The following OPCML variants were observed in gnomAD, a reference collection of about 807,000 sequenced individuals.
OPCML encodes opioid binding protein/cell adhesion molecule like.
OPCML carries 13 observed loss-of-function variants against 37.8 expected under a neutral mutation model. The observed-to-expected ratio is 0.34, with a 90% CI of 0.22 to 0.55. The LOEUF (loss-of-function observed/expected upper bound fraction) is 0.55. OPCML is among the 20% of genes least tolerant of loss of function. OPCML has a pLI of 0.91. For missense variants in OPCML, 341 were observed against 435.6 expected, an observed-to-expected ratio of 0.78 and a Z score of 1.93; for synonymous variants, 176 against 168.8, an observed-to-expected ratio of 1.04 and a Z score of -0.33.
chr11:132,571,552 A>G (rs1330904384), intron 3 of OPCML, among the ~76,000 whole-genome samples: 2 of 152,066 alleles, frequency 1.3e-5, no homozygotes, highest in African/African-American at 4.8e-5. Flanking sequence ...AGCTTATTTT[A>G]CTTAGCATAA....
chr11:133,184,507 T>C (rs1236636392), intron 1 of OPCML, among the ~76,000 whole-genome samples: 1 of 152,154 alleles, frequency 6.6e-6, no homozygotes, highest in Non-Finnish European at 1.5e-5. Context: ...AAAATCCTGC[T>C]GGCTTGAGGA....
At chr11:133,479,785 AC>A (rs1462998335) in intron 1 of OPCML, among the ~76,000 whole-genome samples, 1 of 151,930 alleles carries the variant, frequency 6.6e-6, no homozygotes, top group Non-Finnish European at 1.5e-5. Flanking sequence ...AACAAATGAC[AC>A]CCATGGCTTA....
At chr11:133,034,335 G>T (rs2136930733) in intron 1 of OPCML, among the ~76,000 whole-genome samples, 1 of 152,056 alleles carries the variant, frequency 6.6e-6, no homozygotes, top group East Asian at 1.9e-4. Flanking sequence ...GTGTGTGTGT[G>T]TGTGTGACAG....
At chr11:132,864,906 A>G (rs1399875655) in intron 2 of OPCML, among the ~76,000 whole-genome samples, 1 of 152,226 alleles carries the variant, frequency 6.6e-6, no homozygotes, top group Non-Finnish European at 1.5e-5. Context: ...CTATGCTGAG[A>G]GCCGGAAATG....
At chr11:132,832,373 A>T (rs568455416) in intron 2 of OPCML, among the ~76,000 whole-genome samples, 9 of 152,344 alleles carry the variant, frequency 5.9e-5, no homozygotes, top group Middle Eastern at 3.4e-3. Context: ...AAAGAGACCT[A>T]GACTATGTTA....
intron 2 of OPCML, among the ~76,000 whole-genome samples, chr11:132,740,387 T>C (rs1310025377): frequency 6.6e-6 from 1 of 152,200 alleles, no homozygotes; most frequent in East Asian, 1.9e-4. Context: ...ACTCCATTAG[T>C]GTATGTTTGT....
chr11:132,513,936 A>C (rs535183965), intron 4 of OPCML, among the ~76,000 whole-genome samples: 3 of 152,350 alleles, frequency 2.0e-5, no homozygotes, highest in East Asian at 3.9e-4. Flanking sequence ...AACACAGTAC[A>C]TAACACGTAG....
At chr11:132,485,677 T>A (rs147888344) in intron 4 of OPCML, among the ~76,000 whole-genome samples, 26 of 152,360 alleles carry the variant, frequency 1.7e-4, no homozygotes, top group African/African-American at 6.0e-4. Context: ...TGGCTTCTTT[T>A]GCTTAACCTA....
intron 4 of OPCML, among the ~76,000 whole-genome samples, chr11:132,505,597 A>T (rs2096254976): frequency 1.3e-5 from 2 of 152,288 alleles, no homozygotes; most frequent in African/African-American, 4.8e-5. Context: ...AATTAGTTAG[A>T]TATGGAGAGC....
At chr11:133,245,382 C>T (rs1163812176) in intron 1 of OPCML, among the ~76,000 whole-genome samples, 1 of 152,204 alleles carries the variant, frequency 6.6e-6, no homozygotes, top group African/African-American at 2.4e-5. Context: ...TAAAATGAGT[C>T]TCTATTCCTT....
At chr11:132,835,699 T>C (rs910524924) in intron 2 of OPCML, among the ~76,000 whole-genome samples, 1 of 152,208 alleles carries the variant, frequency 6.6e-6, no homozygotes, top group African/African-American at 2.4e-5. Flanking sequence ...ACAGGAAACA[T>C]CTTTCACCAC....
chr11:132,556,529 AC>A (rs1466806646), intron 3 of OPCML, among the ~76,000 whole-genome samples: 1 of 152,184 alleles, frequency 6.6e-6, no homozygotes, highest in Non-Finnish European at 1.5e-5. Context: ...GGTCACACAA[AC>A]AGGAGAGTGT....
At chr11:132,645,410 A>C (rs1456183484) in intron 3 of OPCML, among the ~76,000 whole-genome samples, 5 of 152,208 alleles carry the variant, frequency 3.3e-5, no homozygotes, top group African/African-American at 1.2e-4. Flanking sequence ...TAAAATCTTA[A>C]AAGCATATTT....
intron 1 of OPCML, among the ~76,000 whole-genome samples, chr11:132,980,512 T>G (rs1946559105): frequency 6.6e-6 from 1 of 152,196 alleles, no homozygotes; most frequent in African/African-American, 2.4e-5. Flanking sequence ...CTTATTTTCT[T>G]AAAAAACATA....
At chr11:132,751,600 A>G (rs538865107) in intron 2 of OPCML, among the ~76,000 whole-genome samples, 1 of 152,278 alleles carries the variant, frequency 6.6e-6, no homozygotes, top group South Asian at 2.1e-4. Flanking sequence ...TGTAATCTTC[A>G]CTCCAATTTC....
chr11:132,424,991 G>A (rs1013700101), intron 7 of OPCML, among the ~76,000 whole-genome samples: 3 of 152,196 alleles, frequency 2.0e-5, no homozygotes, highest in Non-Finnish European at 2.9e-5. Context: ...GGAGGATGTG[G>A]GGCATTGAGC....
chr11:133,157,742 T>G (rs1950082055), intron 1 of OPCML, among the ~76,000 whole-genome samples: 1 of 152,172 alleles, frequency 6.6e-6, no homozygotes, highest in Admixed American at 6.5e-5. Context: ...TCTAAACAAC[T>G]CAAGGAAAAT....
intron 7 of OPCML, among the ~76,000 whole-genome samples, chr11:132,433,910 G>T (rs879344758): frequency 6.6e-6 from 1 of 152,190 alleles, no homozygotes; most frequent in South Asian, 2.1e-4. Context: ...AATGTCTGTT[G>T]TTTAAGCTAT....
chr11:132,473,563 T>C (rs1399106578), intron 4 of OPCML, among the ~76,000 whole-genome samples: 1 of 152,216 alleles, frequency 6.6e-6, no homozygotes, highest in Non-Finnish European at 1.5e-5. Flanking sequence ...CAGTAGCTCA[T>C]GCCTATAATC....
Sources: gnomAD v4.1 joint callset for allele counts (sites outside exome capture counted in the v4.1 genomes callset) on GRCh38, gnomAD v4.1.1 for gene constraint, MANE v1.5 for transcripts, NCBI Gene and HGNC (gene_info 2026-07-23, HGNC 2026-07-21) for gene names.